PHLDB2: variants seen among roughly 807,000 people sequenced by gnomAD.
PHLDB2 encodes pleckstrin homology-like domain family B member 2.
A neutral mutation model predicts 123.6 loss-of-function variants in PHLDB2; 71 were observed. The observed-to-expected ratio is 0.57, with a 90% CI of 0.47 to 0.70. The LOEUF (loss-of-function observed/expected upper bound fraction) is 0.70, where lower values mean the gene tolerates loss of function less well. Among genes scored for constraint, PHLDB2 ranks in the 30% least tolerant of loss-of-function variants. PHLDB2 has a pLI of 0.00. For missense variants in PHLDB2, 1,446 were observed against 1,519.5 expected (o/e 0.95, Z 0.80); for synonymous variants, 547 against 541.6 (o/e 1.01, Z -0.14).
chr3:111,905,616 A>G (rs1400397378), intron 2 of PHLDB2, among the ~76,000 whole-genome samples: 4 of 152,132 alleles, frequency 2.6e-5, no homozygotes, highest in African/African-American at 9.7e-5. Context: ...TTGGTCTCCC[A>G]AAGTGCTGAG....
chr3:111,880,300 T>C (rs549063178), intron 1 of PHLDB2, among the ~76,000 whole-genome samples: 41 of 152,152 alleles, frequency 2.7e-4, no homozygotes, highest in African/African-American at 9.6e-4. Context: ...AAGGCAGAAT[T>C]AGAGATATGT....
At chr3:111,812,657 C>A (rs1291460826) in intron 1 of PHLDB2, among the ~76,000 whole-genome samples, 1 of 152,186 alleles carries the variant, frequency 6.6e-6, no homozygotes, top group Non-Finnish European at 1.5e-5. Flanking sequence ...TTTATCCCAA[C>A]TGTTCAAAGC....
chr3:111,974,309 C>A (rs919413737), intron 17 of PHLDB2, 114 bp from the exon 18 acceptor site: 3 of 1,023,800 alleles, frequency 2.9e-6, no homozygotes, highest in Admixed American at 3.1e-5. Flanking sequence ...AAAAGTAACG[C>A]CTTTGTAAAT....
At chr3:111,779,466 T>C (rs1428768308) in intron 1 of PHLDB2, among the ~76,000 whole-genome samples, 1 of 152,074 alleles carries the variant, frequency 6.6e-6, no homozygotes, top group East Asian at 1.9e-4. Context: ...GTACCCAATG[T>C]TGAGCTCTCA....
At chr3:111,769,114 C>T (rs1360188993) in intron 1 of PHLDB2, among the ~76,000 whole-genome samples, 1 of 152,162 alleles carries the variant, frequency 6.6e-6, no homozygotes, top group Non-Finnish European at 1.5e-5. Flanking sequence ...TTTTATTTAT[C>T]AACTGAGAGC....
At chr3:111,920,618 G>T (rs766170687) in intron 5 of PHLDB2, among the ~76,000 whole-genome samples, 199 bp downstream of exon 5, 2 of 152,220 alleles carry the variant, frequency 1.3e-5, no homozygotes, top group African/African-American at 2.4e-5. Context: ...CTGATGCTGA[G>T]AGAGCAGAGT....
chr3:111,782,512 G>A (rs886422618), intron 1 of PHLDB2, among the ~76,000 whole-genome samples: 2 of 152,030 alleles, frequency 1.3e-5, no homozygotes, highest in African/African-American at 4.8e-5. Context: ...TATTCCCTCG[G>A]TCCAGAATGC....
At chr3:111,926,623 T>C (rs1021026583) in intron 5 of PHLDB2, among the ~76,000 whole-genome samples, 6 of 151,960 alleles carry the variant, frequency 3.9e-5, no homozygotes, top group Admixed American at 1.3e-4. Flanking sequence ...CATTCATCAA[T>C]TGTGTAATTA....
chr3:111,873,843 T>C (rs2065462572), intron 1 of PHLDB2, among the ~76,000 whole-genome samples: 1 of 152,200 alleles, frequency 6.6e-6, no homozygotes, highest in African/African-American at 2.4e-5. Context: ...TAAATCACTT[T>C]TAGGGGAGGC....
At chr3:111,776,909 A>G (rs890474826) in intron 1 of PHLDB2, among the ~76,000 whole-genome samples, 1 of 152,198 alleles carries the variant, frequency 6.6e-6, no homozygotes, top group Non-Finnish European at 1.5e-5. Flanking sequence ...AAGGAAATAG[A>G]AAATAGATTC....
intron 1 of PHLDB2, among the ~76,000 whole-genome samples, chr3:111,748,835 T>G (rs544866668): frequency 6.6e-6 from 1 of 152,214 alleles, no homozygotes; most frequent in Admixed American, 6.5e-5. Context: ...ACCTCTTTTT[T>G]CTTGTCAAAT....
Position 111,774,250 on chromosome 3 carries a change from G to A in PHLDB2, c.-49+41547G>A, listed in dbSNP as rs187988349. On this transcript the variant is annotated intron_variant, in intron 1 of 17. Transcript: ENST00000393923. Reference sequence around the variant, plus strand: ...CAAGTAAGGCTGTGAGAGGTATCTGGGTGATGGATGTGCTTCAGGAATGCA... The same window carrying A: ...CAAGTAAGGCTGTGAGAGGTATCTGAGTGATGGATGTGCTTCAGGAATGCA... 3.9e-5 allele frequency among the ~76,000 whole-genome samples: 6 copies of A among 152,284 alleles called. No individual in the cohort carries two copies. In the East Asian group the frequency reaches 1.2e-3, roughly 29 times the overall value.
intron 1 of PHLDB2, among the ~76,000 whole-genome samples, chr3:111,740,940 G>A (rs80212672): frequency 1.3e-5 from 2 of 151,608 alleles, no homozygotes; most frequent in African/African-American, 4.8e-5. Context: ...GGAGAGGGGG[G>A]AGAAAAGCTA....
At position 111,867,419 on chromosome 3, in the gene PHLDB2, T is replaced by C. The variant is rs538283183; in HGVS notation, c.-15+7843T>C. Reference sequence around the variant, plus strand: ...ACAAAAATTTAAATGTATACTAAAATAATAATAAAATAATAAACAAAGATC... The same window carrying C: ...ACAAAAATTTAAATGTATACTAAAACAATAATAAAATAATAAACAAAGATC... On this transcript the variant is annotated intron_variant, in intron 1 of 17. Transcript: ENST00000431670. Among the ~76,000 whole-genome samples, 36 of 150,550 alleles carry C rather than the reference T, an allele frequency of 2.4e-4. No individual in the cohort carries two copies. In the South Asian group the frequency reaches 5.5e-3, roughly 23 times the overall value.
chr3:111,841,000 C>T (rs543248763), intron 1 of PHLDB2, among the ~76,000 whole-genome samples: 2 of 152,278 alleles, frequency 1.3e-5, no homozygotes, highest in South Asian at 4.2e-4. Context: ...GGAGTTTAGG[C>T]AGCTAATCTA....
intron 2 of PHLDB2, among the ~76,000 whole-genome samples, chr3:111,891,291 G>A (rs2066477684): frequency 6.6e-6 from 1 of 152,122 alleles, no homozygotes; most frequent in African/African-American, 2.4e-5. Flanking sequence ...GCCAGCAAAG[G>A]TTCATTTGTA....
chr3:111,802,196 T>G (rs1173109942), intron 1 of PHLDB2, among the ~76,000 whole-genome samples: 2 of 152,194 alleles, frequency 1.3e-5, no homozygotes. Context: ...AACTGCAGAG[T>G]GCCACCAGCT....
At chr3:111,938,473 T>G (rs1324486590) in intron 6 of PHLDB2, among the ~76,000 whole-genome samples, 1 of 152,118 alleles carries the variant, frequency 6.6e-6, no homozygotes, top group Non-Finnish European at 1.5e-5. Flanking sequence ...ATCCATATTA[T>G]TATAAATATA....
At chr3:111,758,003 C>G (rs1053642773) in intron 1 of PHLDB2, among the ~76,000 whole-genome samples, 2 of 152,140 alleles carry the variant, frequency 1.3e-5, no homozygotes, top group African/African-American at 2.4e-5. Flanking sequence ...AGGTGTCAGT[C>G]TGCCCCTACT....
Sources: gnomAD v4.1 joint callset for allele counts (sites outside exome capture counted in the v4.1 genomes callset) on GRCh38, gnomAD v4.1.1 for gene constraint, MANE v1.5 for transcripts, NCBI Gene and HGNC (gene_info 2026-07-23, HGNC 2026-07-21) for gene names.